LAMC2: variants seen among roughly 807,000 people sequenced by gnomAD.
LAMC2 encodes the protein laminin subunit gamma 2.
A neutral mutation model predicts 140.2 loss-of-function variants in LAMC2; 97 were observed. The observed-to-expected ratio is 0.69, with a 90% CI of 0.59 to 0.82. The LOEUF is 0.82. LAMC2 is among the 40% of genes least tolerant of loss of function. The pLI, the probability that LAMC2 is intolerant of heterozygous loss-of-function variation, is 0.00. For missense variants in LAMC2, 1,402 were observed against 1,476.1 expected (o/e 0.95, Z 0.82); for synonymous variants, 513 against 540.2 (o/e 0.95, Z 0.70).
chr1:183,233,738 T>A (rs1038050196), intron 14 of LAMC2, among the ~76,000 whole-genome samples: 1 of 151,502 alleles, frequency 6.6e-6, no homozygotes, highest in African/African-American at 2.4e-5. Context: ...TTATTTTTAT[T>A]TTTTTTGGCT....
At chr1:183,202,910 G>C (rs867499411) in intron 1 of LAMC2, among the ~76,000 whole-genome samples, 3 of 152,138 alleles carry the variant, frequency 2.0e-5, no homozygotes, top group Non-Finnish European at 4.4e-5. Flanking sequence ...CCATCTATGG[G>C]TTTTTTAAAG....
In LAMC2 at chr1:183,232,201, G is replaced by A. The variant is rs149124612; in HGVS notation, c.1872G>A (p.Met624Ile). ...NQVKIQMDQFMQQLQRMEALI... is the reference protein window; with the variant it reads ...NQVKIQMDQFIQQLQRMEALI... ...TGTGGTTTCAGATGGATCAGTTTAT[G>A]CAGCAGCTTCAGAGAATGGAGGCCC... Residue 624 changes from methionine to isoleucine, a missense_variant, in exon 13 of 23, where the codon ATG (methionine) becomes ATA (isoleucine). Met to Ile is a conservative substitution (Grantham distance 10, BLOSUM62 1). This residue lies in a region of LAMC2 where 9 missense variants were observed against 25.6 expected (regional missense o/e 0.35). Transcript: ENST00000264144. 853 of 1,613,876 alleles carry A rather than the reference G, an allele frequency of 5.3e-4. 9 individuals carry two copies. Among genetic ancestry groups the A allele is most frequent in the Non-Finnish European group, 3.1e-5 (37 of 1,180,000 alleles).
At chr1:183,235,089 T>C (rs769101071) in intron 15 of LAMC2, among the ~76,000 whole-genome samples, 1 of 151,662 alleles carries the variant, frequency 6.6e-6, no homozygotes, top group Non-Finnish European at 1.5e-5. Flanking sequence ...TTTTGTTTCT[T>C]TGGGTTTTTT....
intron 8 of LAMC2, among the ~76,000 whole-genome samples, chr1:183,226,272 T>C (rs1180968213): frequency 2.0e-5 from 3 of 152,072 alleles, no homozygotes; most frequent in Non-Finnish European, 4.4e-5. Context: ...ACCATTTCCA[T>C]GTCACTGATG....
At chr1:183,210,523 GATTGCAAGAACTA>G (rs1370462540) in intron 2 of LAMC2, among the ~76,000 whole-genome samples, 3 of 152,196 alleles carry the variant, frequency 2.0e-5, no homozygotes, top group Non-Finnish European at 2.9e-5. Context: ...TCCAGCAACT[GATTGCAAGAACTA>G]AAGTTGTAAG....
chr1:183,217,184 A>G (rs139929897), intron 3 of LAMC2, among the ~76,000 whole-genome samples: 77 of 152,316 alleles, frequency 5.1e-4, no homozygotes, highest in African/African-American at 1.7e-3. Flanking sequence ...TAGGGCAGGC[A>G]GAGGAGGAAC....
the LAMC2 span, among the ~76,000 whole-genome samples, chr1:183,255,397 T>TAA: frequency 6.6e-6 from 1 of 152,178 alleles, no homozygotes; most frequent in Non-Finnish European, 1.5e-5. Flanking sequence ...CTATTCAGGG[T>TAA]CTTTTGCAGT....
the LAMC2 span, among the ~76,000 whole-genome samples, chr1:183,253,001 T>G: frequency 6.6e-6 from 1 of 152,300 alleles, no homozygotes; most frequent in African/African-American, 2.4e-5. Context: ...GTTTTTTTCC[T>G]GTAAAATGAG....
At chr1:183,236,420 C>T (rs1659964179) in intron 16 of LAMC2, 40 bp from the exon 17 acceptor site, 1 of 1,558,396 alleles carries the variant, frequency 6.4e-7, no homozygotes, top group Non-Finnish European at 8.8e-7. Flanking sequence ...TTCTCAAAGT[C>T]CTCTTTTTAT....
chr1:183,199,324 G>C (rs1252977501), intron 1 of LAMC2, among the ~76,000 whole-genome samples: 1 of 151,868 alleles, frequency 6.6e-6, no homozygotes, highest in Non-Finnish European at 1.5e-5. Flanking sequence ...GGATGGTCTT[G>C]ATCTCTTAAT....
intron 1 of LAMC2, among the ~76,000 whole-genome samples, chr1:183,203,482 C>T (rs1658786276): frequency 1.3e-5 from 2 of 151,654 alleles, no homozygotes; most frequent in African/African-American, 4.9e-5. Flanking sequence ...TGCCCCCCGC[C>T]CCCCCTCACC....
Position 183,230,954 on chromosome 1 carries a change from T to C in LAMC2, c.1715-7T>C, listed in dbSNP as rs866452898. 4 of 1,614,174 alleles carry C rather than the reference T, an allele frequency of 2.5e-6. No individual in the cohort carries two copies. In the Middle Eastern group the frequency reaches 6.6e-4, roughly 266 times the overall value. On this transcript the variant is annotated splice_region_variant and splice_polypyrimidine_tract_variant and intron_variant, in intron 11 of 22. Transcript: ENST00000264144. ...ATGTGAATGCTCCATTTGTCTTTTGTCTCTAGCTTGCAACTGTAACCCCAT... is the reference window on the plus strand; with the variant it reads ...ATGTGAATGCTCCATTTGTCTTTTGCCTCTAGCTTGCAACTGTAACCCCAT...
chr1:183,220,760 A>AT, intron 4 of LAMC2, 65 bp from the exon 5 acceptor site: 1 of 1,494,518 alleles, frequency 6.7e-7, no homozygotes, highest in Non-Finnish European at 9.2e-7. Context: ...TGACTCATTC[A>AT]TCATATTTTT....
At chr1:183,225,830 T>A in intron 8 of LAMC2, 110 bp downstream of exon 8, 1 of 737,704 alleles carries the variant, frequency 1.4e-6, no homozygotes, top group Non-Finnish European at 2.4e-6. Context: ...TACTTGATGA[T>A]CCTGACTTAG....
intron 5 of LAMC2, 70 bp from the exon 6 acceptor site, chr1:183,222,019 A>G (rs1659488762): frequency 1.2e-6 from 2 of 1,603,216 alleles, no homozygotes; most frequent in Admixed American, 3.3e-5. Flanking sequence ...CGGCAAGCAA[A>G]TCTTTCTTTG....
At chr1:183,241,245 CAAAAA>C in intron 22 of LAMC2, 62 of 792,954 alleles carry the variant, frequency 7.8e-5, no homozygotes, top group Middle Eastern at 6.7e-4. Flanking sequence ...AAGACTGTCT[CAAAAA>C]AAAAAAAAAA....
At chr1:183,189,184 A>G (rs182516594) in intron 1 of LAMC2, among the ~76,000 whole-genome samples, 45 of 152,338 alleles carry the variant, frequency 3.0e-4, no homozygotes, top group Middle Eastern at 6.8e-3. Flanking sequence ...TCTGTGTGTT[A>G]GGGATATGAG....
intron 1 of LAMC2, among the ~76,000 whole-genome samples, chr1:183,195,962 AC>A (rs1359992069): frequency 6.6e-6 from 1 of 152,184 alleles, no homozygotes; most frequent in Non-Finnish European, 1.5e-5. Flanking sequence ...TATAATAAAA[AC>A]ATTCATCTTT....
chr1:183,253,555 C>T, the LAMC2 span, among the ~76,000 whole-genome samples: 1 of 152,118 alleles, frequency 6.6e-6, no homozygotes, highest in South Asian at 2.1e-4. Context: ...ATATTTGCTA[C>T]TTTGTATCCT....
Sources: allele counts gnomAD v4.1 joint callset (sites outside exome capture counted in the v4.1 genomes callset), GRCh38; gene constraint gnomAD v4.1.1; regional missense constraint gnomAD v4.1.1; transcripts MANE v1.5; gene names NCBI Gene and HGNC (gene_info 2026-07-23, HGNC 2026-07-21).